The following MISP3 variants were observed in gnomAD, a reference collection of about 807,000 sequenced individuals.
MISP3 encodes uncharacterized protein MISP3.
In MISP3, 9 loss-of-function variants were observed where a neutral mutation model predicts 5.5. That is an observed-to-expected ratio of 1.65 (90% CI 0.99 to 2.87). The LOEUF (loss-of-function observed/expected upper bound fraction) is 2.87, where lower values mean the gene tolerates loss of function less well. Ranked by LOEUF, MISP3 falls within the 30% of genes most tolerant of loss-of-function variation. The pLI, the probability that MISP3 is intolerant of heterozygous loss-of-function variation, is 0.00. For missense variants in MISP3, 152 were observed against 84.1 expected, an observed-to-expected ratio of 1.81 and a Z score of -3.16; for synonymous variants, 87 against 38.1, an observed-to-expected ratio of 2.28 and a Z score of -4.73.
At position 14,073,473 on chromosome 19, in the gene MISP3, C is replaced by T; in HGVS notation, c.164C>T (p.Ala55Val). 1 of 447,848 alleles carries T rather than the reference C, an allele frequency of 2.2e-6. No individual in the cohort carries two copies. The highest frequency in any genetic ancestry group is 2.1e-5 in the African/African-American group (1 of 47,928). 27.7% of individuals were successfully genotyped at this position (447,848 alleles called of 1,614,324 possible). The change falls in exon 1 of 3, where the codon GCC (alanine) becomes GTC (valine). Residue 55 changes from alanine (A) to valine (V), a missense_variant. Coordinates refer to ENST00000587086, the MANE Select transcript of MISP3 (RefSeq NM_001291291.2). This position sits in a 1 kb window ranked among gnomAD's most constrained non-coding sequence, Gnocchi z 8.5. Reference sequence around the variant, plus strand: ...GGTCCTGGCCCCGCGCTCCCGCGCGCCCTGGAGCGGGCGCGGGCGGGCGCG... The same window carrying T: ...GGTCCTGGCCCCGCGCTCCCGCGCGTCCTGGAGCGGGCGCGGGCGGGCGCG... ...LPGPGPALPR[A>V]LERARAGAQM...
In MISP3 at chr19:14,073,162, G is replaced by A; in HGVS notation, c.-148G>A. 1.5e-6 allele frequency: 1 copy of A among 672,600 alleles called. No individual in the cohort carries two copies. Among genetic ancestry groups the A allele is most frequent in the Non-Finnish European group, 2.7e-6 (1 of 365,684 alleles). 41.7% of individuals were successfully genotyped at this position (672,600 alleles called of 1,614,324 possible). On this transcript the variant is annotated 5_prime_UTR_variant, in exon 1 of 3. Coordinates refer to ENST00000587086, the MANE Select transcript of MISP3 (RefSeq NM_001291291.2). This position sits in a 1 kb window ranked among gnomAD's most constrained non-coding sequence, Gnocchi z 8.5. The stretch of plus-strand genomic sequence containing the variant: ...CTGAGCCAGGCAGAGACGACCCTGG[G>A]CCGTCCGAAGCGCAAAGGGCGGAGG...
rs1599318087 is a variant in MISP3, at chr19:14,074,861, T to C, written c.*138T>C. The C allele has an allele frequency of 7.7e-6, 5 of 650,472 alleles. No homozygotes were observed. The East Asian group carries it at 1.1e-4, about 14-fold the overall frequency. 40.3% of individuals were successfully genotyped at this position (650,472 alleles called of 1,614,324 possible). A position where few individuals can be genotyped will look rare whatever the true frequency, so the allele number is the denominator to read the frequency against. On this transcript the variant is annotated 3_prime_UTR_variant, in exon 3 of 3. Transcript: ENST00000587086. The surrounding 1 kb of genome is among the most constrained non-coding windows in gnomAD (Gnocchi z 4.4). ...ATGAAATCGACTTGCCTTTGTGAAATTGACCAGCCCCCTCTATAAAACTTA... is the reference window on the plus strand; with the variant it reads ...ATGAAATCGACTTGCCTTTGTGAAACTGACCAGCCCCCTCTATAAAACTTA...
chr19:14,075,021 C>T lies in MISP3; in HGVS notation c.*298C>T, dbSNP rs1001660788. 1.4e-5 allele frequency: 5 copies of T among 345,916 alleles called. No homozygotes were observed. The highest frequency in any genetic ancestry group is 2.7e-5 in the Non-Finnish European group (5 of 182,974). The allele number at this position is 345,916 out of a possible 1,614,324, so 21.4% of individuals were successfully genotyped here. Reference sequence around the variant, plus strand: ...GGGCCGGAGTTACCGCCTCGATTGCCCCACTCCCCCCACCCCCAATAAAGC... The same window carrying T: ...GGGCCGGAGTTACCGCCTCGATTGCTCCACTCCCCCCACCCCCAATAAAGC... On this transcript the variant is annotated 3_prime_UTR_variant, in exon 3 of 3. Coordinates refer to ENST00000587086, the MANE Select transcript of MISP3 (RefSeq NM_001291291.2).
chr19:14,073,902 G>GT lies in MISP3; in HGVS notation c.568+25_568+26insT. The GT allele has an allele frequency of 1.7e-6, 1 of 595,334 alleles. No individual in the cohort carries two copies. The highest frequency in any genetic ancestry group is 1.6e-5 in the South Asian group (1 of 64,140). The allele number at this position is 595,334 out of a possible 1,614,324, so 36.9% of individuals were successfully genotyped here. ...GGTAAGCCGCGGGCGTAGCAACGCC[G>GT]GGACCCCCAGGGTTCCAGCCGCCCC... On this transcript the variant is annotated intron_variant, in intron 1 of 2. Coordinates refer to ENST00000587086, the MANE Select transcript of MISP3 (RefSeq NM_001291291.2). This position sits in a 1 kb window ranked among gnomAD's most constrained non-coding sequence, Gnocchi z 8.5.
Position 14,073,771 on chromosome 19 carries a change from G to A in MISP3, c.462G>A (p.Leu154=). 2.9e-6 allele frequency: 2 copies of A among 699,932 alleles called. No individual in the cohort carries two copies. The highest frequency in any genetic ancestry group is 2.7e-5 in the East Asian group (1 of 37,092). 43.4% of individuals were successfully genotyped at this position (699,932 alleles called of 1,614,324 possible). Residue 154 remains leucine, a synonymous_variant, in exon 1 of 3, where the codon CTG becomes CTA. Transcript: ENST00000587086. The surrounding 1 kb of genome is among the most constrained non-coding windows in gnomAD (Gnocchi z 8.5). The stretch of plus-strand genomic sequence containing the variant: ...CGCCGCCTTTCACTCCGTCACTGCT[G>A]GAGCAGGAGGTGCGCGCCGTGCGCG... The part of the protein sequence containing the change: ...SAPPPFTPSL[L]EQEVRAVRER...
Position 14,074,399 on chromosome 19 carries a change from G to T in MISP3, c.578G>T (p.Gly193Val), listed in dbSNP as rs1199101015. The change falls in exon 2 of 3, where the codon GGC (glycine) becomes GTC (valine). Residue 193 changes from glycine to valine, a missense_variant. Physicochemically the swap from Gly to Val is moderately radical, Grantham distance 109. Coordinates refer to ENST00000587086, the MANE Select transcript of MISP3 (RefSeq NM_001291291.2). This position sits in a 1 kb window ranked among gnomAD's most constrained non-coding sequence, Gnocchi z 4.4. Reference sequence around the variant, plus strand: ...GCCCCTTCCCCCGCAGCGAGCAGGGGCGACGGAAAGTTGGTGGTGATCTGG... The same window carrying T: ...GCCCCTTCCCCCGCAGCGAGCAGGGTCGACGGAAAGTTGGTGGTGATCTGG... ...EPTPSLTASR[G>V]DGKLVVIWPP... The T allele has an allele frequency of 1.4e-6, 1 of 702,836 alleles. No homozygotes were observed. The highest frequency in any genetic ancestry group is 1.5e-5 in the South Asian group (1 of 67,586). 43.5% of individuals were successfully genotyped at this position (702,836 alleles called of 1,614,324 possible).
chr19:14,073,821 A>T lies in MISP3; in HGVS notation c.512A>T (p.Gln171Leu). 1.4e-6 allele frequency: 1 copy of T among 701,840 alleles called. No homozygotes were observed. Among genetic ancestry groups the T allele is most frequent in the Non-Finnish European group, 2.6e-6 (1 of 384,524 alleles). The allele number at this position is 701,840 out of a possible 1,614,324, so 43.5% of individuals were successfully genotyped here. A position where few individuals can be genotyped will look rare whatever the true frequency, so the allele number is the denominator to read the frequency against. Reference sequence around the variant, plus strand: ...GAGCGCGAGCAGGAACTGCAGCGCCAGCGGCGCAGCGTCTATGGCACCGCG... The same window carrying T: ...GAGCGCGAGCAGGAACTGCAGCGCCTGCGGCGCAGCGTCTATGGCACCGCG... The part of the protein sequence containing the change: ...VREREQELQR[Q>L]RRSVYGTAEF... Residue 171 changes from glutamine to leucine, a missense_variant, in exon 1 of 3, where the codon CAG becomes CTG. Gln to Leu is a moderately radical substitution (Grantham distance 113). Transcript: ENST00000587086. The surrounding 1 kb of genome is among the most constrained non-coding windows in gnomAD (Gnocchi z 8.5).
At position 14,073,860 on chromosome 19, in the gene MISP3, C is replaced by T. The variant is rs12983322; in HGVS notation, c.551C>T (p.Pro184Leu). Reference protein sequence around the residue: ...SVYGTAEFKEPTPSLTASRGD... With the variant: ...SVYGTAEFKELTPSLTASRGD... ...TATGGCACCGCGGAGTTCAAGGAGCCTACGCCGAGCCTCACCGGTAAGCCG... is the reference window on the plus strand; with the variant it reads ...TATGGCACCGCGGAGTTCAAGGAGCTTACGCCGAGCCTCACCGGTAAGCCG... Residue 184 changes from proline to leucine, a missense_variant, in exon 1 of 3, where the codon CCT (proline) becomes CTT (leucine). Transcript: ENST00000587086. The surrounding 1 kb of genome is among the most constrained non-coding windows in gnomAD (Gnocchi z 8.5). The T allele has an allele frequency of 1.0e-5, 7 of 701,528 alleles. No homozygotes were observed. Among genetic ancestry groups the T allele is most frequent in the Non-Finnish European group, 1.8e-5 (7 of 384,510 alleles). The allele number at this position is 701,528 out of a possible 1,614,324, so 43.5% of individuals were successfully genotyped here.
chr19:14,074,328 T>G lies in MISP3; in HGVS notation c.569-62T>G. On this transcript the variant is annotated intron_variant, in intron 1 of 2. Transcript: ENST00000587086. This position sits in a 1 kb window ranked among gnomAD's most constrained non-coding sequence, Gnocchi z 4.4. ...TGAACGCCTGTGTGTGTTTAAGGGG[T>G]GCGGCCGGCCTTTCATCCTGGCTGC... The G allele has an allele frequency of 1.4e-6, 1 of 697,672 alleles. No homozygotes were observed. The highest frequency in any genetic ancestry group is 2.6e-6 in the Non-Finnish European group (1 of 382,262). 43.2% of individuals were successfully genotyped at this position (697,672 alleles called of 1,614,324 possible).
rs771260594 is a variant in MISP3, at chr19:14,075,052, C to T, written c.*329C>T. ...CCCCCCACCCCCAATAAAGCCTCTT[C>T]TTTCAGGGCACTGCAGCCTGTTTTT... On this transcript the variant is annotated 3_prime_UTR_variant, in exon 3 of 3. Coordinates refer to ENST00000587086, the MANE Select transcript of MISP3 (RefSeq NM_001291291.2). 3.3e-4 allele frequency: 102 copies of T among 307,278 alleles called. No homozygotes were observed. The highest frequency in any genetic ancestry group is 3.1e-3 in the Middle Eastern group (3 of 970). The allele number at this position is 307,278 out of a possible 1,614,324, so 19.0% of individuals were successfully genotyped here.
In MISP3 at chr19:14,073,305, G is replaced by C; in HGVS notation, c.-5G>C. 1 of 696,550 alleles carries C rather than the reference G, an allele frequency of 1.4e-6. No individual in the cohort carries two copies. The highest frequency in any genetic ancestry group is 1.5e-5 in the South Asian group (1 of 67,410). 43.1% of individuals were successfully genotyped at this position (696,550 alleles called of 1,614,324 possible). A position where few individuals can be genotyped will look rare whatever the true frequency, so the allele number is the denominator to read the frequency against. On this transcript the variant is annotated 5_prime_UTR_variant, in exon 1 of 3. Coordinates refer to ENST00000587086, the MANE Select transcript of MISP3 (RefSeq NM_001291291.2). This position sits in a 1 kb window ranked among gnomAD's most constrained non-coding sequence, Gnocchi z 8.5. Reference sequence around the variant, plus strand: ...GCTCCCCAGCGTCCCCCGGAGGAGCGGTTCATGGAGACGCCCATCGAGCGC... The same window carrying C: ...GCTCCCCAGCGTCCCCCGGAGGAGCCGTTCATGGAGACGCCCATCGAGCGC...
Position 14,073,349 on chromosome 19 carries a change from G to T in MISP3, c.40G>T (p.Glu14Ter). 2.9e-6 allele frequency: 2 copies of T among 699,726 alleles called. No homozygotes were observed. The highest frequency in any genetic ancestry group is 3.0e-5 in the South Asian group (2 of 67,506). The allele number at this position is 699,726 out of a possible 1,614,324, so 43.3% of individuals were successfully genotyped here. Residue 14 changes from glutamate (E) to a stop codon, truncating the protein, a stop_gained, in exon 1 of 3, where the codon GAA becomes TAA. Transcript: ENST00000587086. LOFTEE classifies it high-confidence loss of function. This position sits in a 1 kb window ranked among gnomAD's most constrained non-coding sequence, Gnocchi z 8.5. Reference protein sequence around the residue: ...PIEREIRRSCEREESLRRSRG... With the variant: ...PIEREIRRSC ...CGAGCGCGAAATCCGCCGCAGCTGC[G>T]AACGCGAGGAGAGCCTGCGCCGGAG... is the stretch of plus-strand genomic sequence containing the variant.
In MISP3 at chr19:14,075,040, A is replaced by C; in HGVS notation, c.*317A>C. 8 of 325,742 alleles carry C rather than the reference A, an allele frequency of 2.5e-5. No homozygotes were observed. The highest frequency in any genetic ancestry group is 5.1e-5 in the East Asian group (1 of 19,536). The allele number at this position is 325,742 out of a possible 1,614,324, so 20.2% of individuals were successfully genotyped here. ...GATTGCCCCACTCCCCCCACCCCCAATAAAGCCTCTTCTTTCAGGGCACTG... is the reference window on the plus strand; with the variant it reads ...GATTGCCCCACTCCCCCCACCCCCACTAAAGCCTCTTCTTTCAGGGCACTG... On this transcript the variant is annotated 3_prime_UTR_variant, in exon 3 of 3. Transcript: ENST00000587086.
In MISP3 at chr19:14,074,363, G is replaced by T. The variant is rs1306492639; in HGVS notation, c.569-27G>T. 15 of 702,232 alleles carry T rather than the reference G, an allele frequency of 2.1e-5. No homozygotes were observed. The highest frequency in any genetic ancestry group is 2.3e-4 in the Middle Eastern group (1 of 4,310). 43.5% of individuals were successfully genotyped at this position (702,232 alleles called of 1,614,324 possible). A position where few individuals can be genotyped will look rare whatever the true frequency, so the allele number is the denominator to read the frequency against. ...CTTTCATCCTGGCTGCCGCCAGCTGGTGAGCTGAGCGCCCCTTCCCCCGCA... is the reference window on the plus strand; with the variant it reads ...CTTTCATCCTGGCTGCCGCCAGCTGTTGAGCTGAGCGCCCCTTCCCCCGCA... On this transcript the variant is annotated intron_variant, in intron 1 of 2. Transcript: ENST00000587086. This position sits in a 1 kb window ranked among gnomAD's most constrained non-coding sequence, Gnocchi z 4.4.
rs1487472088 is a variant in MISP3, at chr19:14,073,877, G to C, written c.568G>C (p.Ala190Pro). 1.4e-6 allele frequency: 1 copy of C among 698,132 alleles called. No homozygotes were observed. Among genetic ancestry groups the C allele is most frequent in the East Asian group, 2.7e-5 (1 of 36,956 alleles). The allele number at this position is 698,132 out of a possible 1,614,324, so 43.2% of individuals were successfully genotyped here. A position where few individuals can be genotyped will look rare whatever the true frequency, so the allele number is the denominator to read the frequency against. Residue 190 changes from alanine to proline, a missense_variant and splice_region_variant, in exon 1 of 3, where the codon GCG becomes CCG. Transcript: ENST00000587086. The surrounding 1 kb of genome is among the most constrained non-coding windows in gnomAD (Gnocchi z 8.5). ...CAAGGAGCCTACGCCGAGCCTCACC[G>C]GTAAGCCGCGGGCGTAGCAACGCCG... ...EFKEPTPSLT[A>P]SRGDGKLVVI...
chr19:14,074,918 A>C lies in MISP3; in HGVS notation c.*195A>C. On this transcript the variant is annotated 3_prime_UTR_variant, in exon 3 of 3. Coordinates refer to ENST00000587086, the MANE Select transcript of MISP3 (RefSeq NM_001291291.2). The surrounding 1 kb of genome is among the most constrained non-coding windows in gnomAD (Gnocchi z 4.4). ...CCCATTGGGAAACTGACCACCACCC[A>C]CAACTCCGCCAGTGAAACTGCCCAG... is the stretch of plus-strand genomic sequence containing the variant. 1 of 592,720 alleles carries C rather than the reference A, an allele frequency of 1.7e-6. No homozygotes were observed. Among genetic ancestry groups the C allele is most frequent in the South Asian group, 1.9e-5 (1 of 52,902 alleles). 36.7% of individuals were successfully genotyped at this position (592,720 alleles called of 1,614,324 possible).
chr19:14,074,816 G>T lies in MISP3; in HGVS notation c.*93G>T. 1.5e-6 allele frequency: 1 copy of T among 678,210 alleles called. No homozygotes were observed. The highest frequency in any genetic ancestry group is 2.7e-6 in the Non-Finnish European group (1 of 364,588). The allele number at this position is 678,210 out of a possible 1,614,324, so 42.0% of individuals were successfully genotyped here. ...CTAGCATTAGGCCTGGAGAAGGGTCGGCTCTCTGCATTGGGGAAGATGAAA... is the reference window on the plus strand; with the variant it reads ...CTAGCATTAGGCCTGGAGAAGGGTCTGCTCTCTGCATTGGGGAAGATGAAA... On this transcript the variant is annotated 3_prime_UTR_variant, in exon 3 of 3. Transcript: ENST00000587086. This position sits in a 1 kb window ranked among gnomAD's most constrained non-coding sequence, Gnocchi z 4.4.
chr19:14,074,915 C>T lies in MISP3; in HGVS notation c.*192C>T, dbSNP rs1976667268. The T allele has an allele frequency of 3.3e-6, 2 of 597,496 alleles. No individual in the cohort carries two copies. The highest frequency in any genetic ancestry group is 6.1e-6 in the Non-Finnish European group (2 of 326,700). 37.0% of individuals were successfully genotyped at this position (597,496 alleles called of 1,614,324 possible). On this transcript the variant is annotated 3_prime_UTR_variant, in exon 3 of 3. Transcript: ENST00000587086. This position sits in a 1 kb window ranked among gnomAD's most constrained non-coding sequence, Gnocchi z 4.4. The stretch of plus-strand genomic sequence containing the variant: ...TCCCCCATTGGGAAACTGACCACCA[C>T]CCACAACTCCGCCAGTGAAACTGCC...
Position 14,074,762 on chromosome 19 carries a change from A to G in MISP3, c.*39A>G, listed in dbSNP as rs1366258038. ...TGGGACCCCCGGCCGGAAGTAACGT[A>G]CGCGTCAGAGGAACAGGGCGGGGGG... On this transcript the variant is annotated 3_prime_UTR_variant, in exon 3 of 3. Transcript: ENST00000587086. The surrounding 1 kb of genome is among the most constrained non-coding windows in gnomAD (Gnocchi z 4.4). 1.4e-6 allele frequency: 1 copy of G among 700,762 alleles called. No individual in the cohort carries two copies. The highest frequency in any genetic ancestry group is 1.7e-5 in the African/African-American group (1 of 57,196). The allele number at this position is 700,762 out of a possible 1,614,324, so 43.4% of individuals were successfully genotyped here.
Sources: gnomAD v4.1 joint callset for allele counts on GRCh38, gnomAD v4.1.1 for gene constraint, Gnocchi (gnomAD v3.1) non-coding constraint, MANE v1.5 for transcripts, NCBI Gene and HGNC (gene_info 2026-07-23, HGNC 2026-07-21) for gene names.